Variants in PIP4K2A observed in about 807,000 individuals in gnomAD.
The protein encoded by PIP4K2A is phosphatidylinositol 5-phosphate 4-kinase type-2 alpha.
In PIP4K2A, 14 loss-of-function variants were observed where a neutral mutation model predicts 42.9. The ratio of observed to expected loss-of-function variants is 0.33; its 90% CI spans 0.22 to 0.51. The LOEUF is 0.51. Among genes scored for constraint, PIP4K2A ranks in the 20% least tolerant of loss-of-function variants. The pLI is 0.97. For synonymous variants in PIP4K2A, 192 were observed against 192.2 expected (o/e 1.00, Z 0.01); for missense variants, 434 against 519.8 (o/e 0.83, Z 1.61).
At chr10:22,660,113 C>A (rs1461947585) in intron 1 of PIP4K2A, among the ~76,000 whole-genome samples, 1 of 152,126 alleles carries the variant, frequency 6.6e-6, no homozygotes, top group African/African-American at 2.4e-5. Context: ...AACCGTCTCA[C>A]TTCCCCCTAC....
chr10:22,598,374 G>A (rs1837679766), intron 3 of PIP4K2A, among the ~76,000 whole-genome samples: 2 of 152,100 alleles, frequency 1.3e-5, no homozygotes, highest in Non-Finnish European at 2.9e-5. Flanking sequence ...AAAACAAACA[G>A]ACAAAATTGG....
At chr10:22,653,726 C>T (rs981060520) in intron 1 of PIP4K2A, among the ~76,000 whole-genome samples, 1 of 152,020 alleles carries the variant, frequency 6.6e-6, no homozygotes, top group African/African-American at 2.4e-5. Flanking sequence ...CCAGCCTGGC[C>T]GGCATGGCGA....
chr10:22,642,885 A>G (rs1001266885), intron 1 of PIP4K2A, among the ~76,000 whole-genome samples: 9 of 152,138 alleles, frequency 5.9e-5, no homozygotes, highest in Non-Finnish European at 1.3e-4. Flanking sequence ...TCCTGCCAAG[A>G]AGTTTTCTTT....
chr10:22,585,754 C>T (rs1458693428), intron 4 of PIP4K2A, among the ~76,000 whole-genome samples: 3 of 152,060 alleles, frequency 2.0e-5, no homozygotes, highest in Non-Finnish European at 4.4e-5. Flanking sequence ...GCATACACCC[C>T]CAGCTAATTT....
At chr10:22,566,740 T>C (rs2130786198) in intron 6 of PIP4K2A, among the ~76,000 whole-genome samples, 2 of 152,282 alleles carry the variant, frequency 1.3e-5, no homozygotes, top group South Asian at 4.1e-4. Flanking sequence ...TATTGATCCT[T>C]CAGGTTTCTG....
chr10:22,609,521 TA>T, intron 2 of PIP4K2A, 98 bp downstream of exon 2: 1 of 723,976 alleles, frequency 1.4e-6, no homozygotes, highest in Non-Finnish European at 2.5e-6. Context: ...AGCAAAACTT[TA>T]CTCCCACCCA....
chr10:22,700,899 A>G (rs1833701613), intron 1 of PIP4K2A, among the ~76,000 whole-genome samples: 1 of 152,258 alleles, frequency 6.6e-6, no homozygotes. Context: ...AATTTAAATA[A>G]GAACATGTCC....
intron 5 of PIP4K2A, chr10:22,569,198 T>G: frequency 1.5e-6 from 1 of 660,556 alleles, no homozygotes; most frequent in East Asian, 2.7e-5. Context: ...AAGACCAGGC[T>G]GGGGGGGTCT....
chr10:22,641,412 GTTTAC>G (rs1326838136), intron 1 of PIP4K2A, among the ~76,000 whole-genome samples: 3 of 151,956 alleles, frequency 2.0e-5, no homozygotes, highest in African/African-American at 7.3e-5. Flanking sequence ...TAGATTTCAT[GTTTAC>G]TTAACATATA....
intron 4 of PIP4K2A, among the ~76,000 whole-genome samples, chr10:22,584,745 T>TCCG (rs1375671428): frequency 6.6e-6 from 1 of 152,172 alleles, no homozygotes; most frequent in Non-Finnish European, 1.5e-5. Context: ...GCAAGACGTG[T>TCCG]CCGCAGTTTA....
intron 9 of PIP4K2A, among the ~76,000 whole-genome samples, chr10:22,538,985 A>G (rs1836012545): frequency 6.6e-6 from 1 of 152,218 alleles, no homozygotes; most frequent in Non-Finnish European, 1.5e-5. Flanking sequence ...AGTTCTACAC[A>G]GTCTGTGGGA....
chr10:22,688,452 A>C (rs933228898), intron 1 of PIP4K2A, among the ~76,000 whole-genome samples: 1 of 152,172 alleles, frequency 6.6e-6, no homozygotes, highest in East Asian at 1.9e-4. Flanking sequence ...TAAAAGCATG[A>C]AATACTGATT....
chr10:22,571,193 T>C (rs1363689266), intron 5 of PIP4K2A, among the ~76,000 whole-genome samples: 1 of 152,240 alleles, frequency 6.6e-6, no homozygotes. Context: ...ACACTTTTAC[T>C]TGAAAGAACA....
At chr10:22,617,742 T>C (rs566017356) in intron 1 of PIP4K2A, among the ~76,000 whole-genome samples, 1 of 152,172 alleles carries the variant, frequency 6.6e-6, no homozygotes, top group African/African-American at 2.4e-5. Flanking sequence ...GGGGAGCTAT[T>C]TCATGGCAGC....
intron 1 of PIP4K2A, among the ~76,000 whole-genome samples, chr10:22,664,222 T>C (rs183624124): frequency 2.0e-5 from 1 of 50,818 alleles, no homozygotes; most frequent in East Asian, 7.7e-4. Flanking sequence ...TATATACATA[T>C]ATATATACAC....
At chr10:22,584,204 A>G (rs1181641132) in intron 4 of PIP4K2A, among the ~76,000 whole-genome samples, 5 of 152,210 alleles carry the variant, frequency 3.3e-5, no homozygotes. Flanking sequence ...ACGTGTAAAG[A>G]AACAAAGGAT....
chr10:22,551,301 T>C (rs1321063294), intron 6 of PIP4K2A, among the ~76,000 whole-genome samples: 3 of 152,214 alleles, frequency 2.0e-5, no homozygotes, highest in East Asian at 1.9e-4. Context: ...AGCACGAGGT[T>C]AGCCATCTGC....
At chr10:22,591,535 T>C (rs985380028) in intron 4 of PIP4K2A, 94 bp downstream of exon 4, 1 of 973,822 alleles carries the variant, frequency 1.0e-6, no homozygotes, top group Non-Finnish European at 1.5e-6. Context: ...TTCTTCTTGT[T>C]CTCTAACTAT....
chr10:22,698,472 AATC>A (rs1679336140), intron 1 of PIP4K2A, among the ~76,000 whole-genome samples: 2 of 152,234 alleles, frequency 1.3e-5, no homozygotes, highest in Non-Finnish European at 2.9e-5. Flanking sequence ...CTTCTAAGGA[AATC>A]ATCCTAAATA....
Sources: allele counts gnomAD v4.1 joint callset (sites outside exome capture counted in the v4.1 genomes callset), GRCh38; gene constraint gnomAD v4.1.1; transcripts MANE v1.5; gene names NCBI Gene and HGNC (gene_info 2026-07-23, HGNC 2026-07-21).